CUX2: variants seen among roughly 807,000 people sequenced by gnomAD.
The protein encoded by CUX2 is cut like homeobox 2, also known as homeobox protein cut-like 2.
Under a neutral mutation model 144.8 loss-of-function variants are expected in CUX2, and 40 were observed. The ratio of observed to expected loss-of-function variants is 0.28; its 90% CI spans 0.21 to 0.36. CUX2 has a LOEUF of 0.36. Ranked by LOEUF, CUX2 falls within the 10% of genes least tolerant of loss-of-function variation. CUX2 has a pLI of 1.00. For synonymous variants in CUX2, 827 were observed against 875.6 expected (o/e 0.94, Z 0.98); for missense variants, 1,615 against 1,994.0 (o/e 0.81, Z 3.62).
At chr12:111,125,806 CT>C (rs1037036643) in intron 1 of CUX2, among the ~76,000 whole-genome samples, 2 of 152,158 alleles carry the variant, frequency 1.3e-5, no homozygotes, top group African/African-American at 4.8e-5. Flanking sequence ...GCAAATGGCT[CT>C]GAGGATTGCC....
chr12:111,293,392 G>A lies in CUX2; in HGVS notation c.437-54G>A. On this transcript the variant is annotated intron_variant, in intron 5 of 21. Transcript: ENST00000261726. This position sits in a 1 kb window ranked among gnomAD's most constrained non-coding sequence, Gnocchi z 4.5. ...ATCCGGTTTACAGAAAGCGGCTCTG[G>A]CTGCCACGTTGCTCTCTTGGCAATG... 7 of 1,560,038 alleles carry A rather than the reference G, an allele frequency of 4.5e-6. No homozygotes were observed. Among genetic ancestry groups the A allele is most frequent in the Admixed American group, 2.0e-5 (1 of 49,200 alleles).
intron 1 of CUX2, among the ~76,000 whole-genome samples, chr12:111,047,163 C>A (rs1870037197): frequency 6.6e-6 from 1 of 152,230 alleles, no homozygotes. Context: ...GCGTGGCGCG[C>A]CCTGTCGTCC....
chr12:111,324,260 G>T (rs534498216), intron 18 of CUX2, among the ~76,000 whole-genome samples: 1 of 150,512 alleles, frequency 6.6e-6, no homozygotes, highest in South Asian at 2.1e-4. Flanking sequence ...TGAAGCGGGA[G>T]AATCACATGA....
At chr12:111,090,079 G>T (rs1422435047) in intron 1 of CUX2, among the ~76,000 whole-genome samples, 6 of 152,178 alleles carry the variant, frequency 3.9e-5, no homozygotes, top group African/African-American at 1.4e-4. Flanking sequence ...GGAGGCAGCT[G>T]CAGCATCTTG....
intron 1 of CUX2, among the ~76,000 whole-genome samples, chr12:111,194,711 A>C (rs1030107243): frequency 5.9e-5 from 9 of 152,164 alleles, no homozygotes; most frequent in African/African-American, 1.4e-4. Flanking sequence ...GGAACAGGTC[A>C]CCTCGGTCCC....
At chr12:111,046,455 G>A (rs971761791) in intron 1 of CUX2, among the ~76,000 whole-genome samples, 5 of 152,098 alleles carry the variant, frequency 3.3e-5, no homozygotes, top group African/African-American at 9.7e-5. Flanking sequence ...GGCACAGAAG[G>A]CTCAGTCCCT....
Position 111,307,041 on chromosome 12 carries a change from C to G in CUX2, c.979C>G (p.Leu327Val), listed in dbSNP as rs532339347. Residue 327 changes from leucine to valine, a missense_variant, in exon 11 of 22, where the codon CTG becomes GTG. Around this residue, in one of 12 missense-constraint regions of CUX2, gnomAD observed 295 missense variants for 400.2 expected, o/e 0.74. Transcript: ENST00000261726. The surrounding 1 kb of genome is among the most constrained non-coding windows in gnomAD (Gnocchi z 4.1). ...VQHLQSSLQE[L>V]EEASANQIAD... ...GCACCTCCAGAGCTCACTGCAGGAG[C>G]TGGAGGAGGCATCCGCCAACCAGAT... 4 of 1,613,818 alleles carry G rather than the reference C, an allele frequency of 2.5e-6. No individual in the cohort carries two copies. In the East Asian group the frequency reaches 6.7e-5, roughly 27 times the overall value.
rs150587639 is a variant in CUX2 at position 111,237,062 on chromosome 12, T to C, written c.222+19125T>C. Reference sequence around the variant, plus strand: ...TACTTGGGAGGCTGAGGTAGGAGGATCGCTTGAGCCTGGGAGGCCAAGTTT... The same window carrying C: ...TACTTGGGAGGCTGAGGTAGGAGGACCGCTTGAGCCTGGGAGGCCAAGTTT... On this transcript the variant is annotated intron_variant, in intron 3 of 21. Coordinates refer to ENST00000261726, the MANE Select transcript of CUX2 (RefSeq NM_015267.4). Among the ~76,000 whole-genome samples the C allele has an allele frequency of 5.3e-3, 808 of 152,266 alleles. 42 individuals carry two copies. In the East Asian group the frequency reaches 0.12, roughly 22 times the overall value.
At chr12:111,098,092 G>A (rs1304006490) in intron 1 of CUX2, among the ~76,000 whole-genome samples, 2 of 152,128 alleles carry the variant, frequency 1.3e-5, no homozygotes, top group Non-Finnish European at 2.9e-5. Context: ...GGAGAGGAGG[G>A]TCGTAGGGGT....
intron 8 of CUX2, 57 bp from the exon 9 acceptor site, chr12:111,298,484 G>A (rs2136346026): frequency 1.3e-6 from 2 of 1,533,496 alleles, no homozygotes; most frequent in Non-Finnish European, 1.8e-6. Context: ...GTCAGGAGGG[G>A]CGGGGGCCTG....
At chr12:111,234,771 T>TG (rs1377634601) in intron 3 of CUX2, among the ~76,000 whole-genome samples, 1 of 148,832 alleles carries the variant, frequency 6.7e-6, no homozygotes, top group African/African-American at 2.5e-5. Context: ...CAGGCTAGAG[T>TG]GCAGTGGCGT....
chr12:111,119,485 C>T (rs1333131243), intron 1 of CUX2, among the ~76,000 whole-genome samples: 1 of 151,862 alleles, frequency 6.6e-6, no homozygotes, highest in Admixed American at 6.6e-5. Context: ...AAAATCTATG[C>T]ACATAATTAC....
At chr12:111,065,165 C>A (rs2136024784) in intron 1 of CUX2, among the ~76,000 whole-genome samples, 1 of 152,288 alleles carries the variant, frequency 6.6e-6, no homozygotes, top group East Asian at 1.9e-4. Context: ...CAGAAGTCAT[C>A]CAGATAGCAA....
chr12:111,275,839 C>G (rs1884848773), intron 4 of CUX2, among the ~76,000 whole-genome samples: 1 of 152,130 alleles, frequency 6.6e-6, no homozygotes, highest in African/African-American at 2.4e-5. Context: ...ACCAGCTCTC[C>G]CCTTTGAACC....
chr12:111,066,693 C>A (rs1391519117), intron 1 of CUX2, among the ~76,000 whole-genome samples: 2 of 152,204 alleles, frequency 1.3e-5, no homozygotes, highest in African/African-American at 4.8e-5. Context: ...CCTTGCTCTG[C>A]TCTAGGGGAA....
chr12:111,158,622 A>C (rs1311929755), intron 1 of CUX2, among the ~76,000 whole-genome samples: 1 of 152,166 alleles, frequency 6.6e-6, no homozygotes, highest in Non-Finnish European at 1.5e-5. Context: ...CATCTGCATG[A>C]AGATGGGTGA....
rs553371127 is a variant in CUX2, at chr12:111,310,702, C to T, written c.1900+20C>T. On this transcript the variant is annotated intron_variant, in intron 15 of 21. Coordinates refer to ENST00000261726, the MANE Select transcript of CUX2 (RefSeq NM_015267.4). The surrounding 1 kb of genome is among the most constrained non-coding windows in gnomAD (Gnocchi z 7.9). ...AGCGAGGTGAGTGCCCAAGAGGGCC[C>T]GTCCCCGCTGGCCACCACGCCAGGT... The T allele has an allele frequency of 8.0e-5, 125 of 1,563,258 alleles. 1 individual carries two copies. The South Asian group carries it at 9.4e-4, about 12-fold the overall frequency.
intron 3 of CUX2, among the ~76,000 whole-genome samples, chr12:111,241,866 A>G (rs1883034697): frequency 6.6e-6 from 1 of 152,278 alleles, no homozygotes; most frequent in South Asian, 2.1e-4. Context: ...AGCAGATCTC[A>G]TGAGCTGACT....
At chr12:111,272,451 A>G (rs1230351662) in intron 4 of CUX2, among the ~76,000 whole-genome samples, 1 of 151,970 alleles carries the variant, frequency 6.6e-6, no homozygotes, top group African/African-American at 2.4e-5. Flanking sequence ...TGAAGATGAC[A>G]GTTAACTTTA....
Sources: gnomAD v4.1 joint callset for allele counts (sites outside exome capture counted in the v4.1 genomes callset) on GRCh38, gnomAD v4.1.1 for gene constraint, gnomAD v4.1.1 regional missense constraint, Gnocchi (gnomAD v3.1) non-coding constraint, MANE v1.5 for transcripts, NCBI Gene and HGNC (gene_info 2026-07-23, HGNC 2026-07-21) for gene names.